SLC36A1: variants seen among roughly 807,000 people sequenced by gnomAD.
SLC36A1 encodes the protein proton-coupled amino acid transporter 1.
Under a neutral mutation model 47.5 loss-of-function variants are expected in SLC36A1, and 30 were observed. The ratio of observed to expected loss-of-function variants is 0.63; its 90% CI spans 0.47 to 0.86. SLC36A1 has a LOEUF of 0.86. SLC36A1 is among the 40% of genes least tolerant of loss of function. The pLI, the probability that SLC36A1 is intolerant of heterozygous loss-of-function variation, is 0.00. For synonymous variants in SLC36A1, 255 were observed against 249.7 expected (o/e 1.02, Z -0.20); for missense variants, 517 against 606.0 (o/e 0.85, Z 1.54).
the SLC36A1 span, among the ~76,000 whole-genome samples, chr5:151,410,908 G>A: frequency 1.5e-4 from 22 of 144,414 alleles, 3 homozygotes; most frequent in Non-Finnish European, 3.0e-4. Context: ...GCTTCTATCC[G>A]CTGTGTGACA....
At chr5:151,442,177 T>C (rs1036926149) in intron 1 of SLC36A1, among the ~76,000 whole-genome samples, 3 of 152,340 alleles carry the variant, frequency 2.0e-5, no homozygotes, top group African/African-American at 7.2e-5. Flanking sequence ...AATGTTTTTG[T>C]GTATATTTAG....
upstream of SLC36A1, among the ~76,000 whole-genome samples, chr5:151,446,567 A>C (rs1451530818): frequency 6.6e-6 from 1 of 152,094 alleles, no homozygotes; most frequent in Admixed American, 6.5e-5. Flanking sequence ...ATTTCCACAT[A>C]TTTGTGAATT....
chr5:151,446,922 T>G (rs1184220116), upstream of SLC36A1, among the ~76,000 whole-genome samples: 1 of 152,236 alleles, frequency 6.6e-6, no homozygotes, highest in Admixed American at 6.5e-5. Flanking sequence ...TTAATATTAG[T>G]TGTATGTATT....
the SLC36A1 span, among the ~76,000 whole-genome samples, chr5:151,513,156 G>A: frequency 2.0e-5 from 3 of 152,338 alleles, no homozygotes; most frequent in African/African-American, 7.2e-5. Flanking sequence ...GATGAATGCA[G>A]AAGTAAATAT....
the SLC36A1 span, among the ~76,000 whole-genome samples, chr5:151,402,238 G>A: frequency 6.6e-6 from 1 of 152,156 alleles, no homozygotes; most frequent in Non-Finnish European, 1.5e-5. Flanking sequence ...TGCATCAATC[G>A]AGATGATCAT....
the SLC36A1 span, chr5:151,543,436 C>T: frequency 6.2e-7 from 1 of 1,614,136 alleles, no homozygotes; most frequent in Admixed American, 1.7e-5. Flanking sequence ...GGCTACTCTT[C>T]CTCCTCCATC....
At chr5:151,482,080 G>A (rs1305583633) in intron 10 of SLC36A1, among the ~76,000 whole-genome samples, 8 of 152,066 alleles carry the variant, frequency 5.3e-5, no homozygotes, top group East Asian at 1.9e-4. Context: ...ACCTAAAATC[G>A]CATCATCCAA....
At chr5:151,411,508 G>A in the SLC36A1 span, among the ~76,000 whole-genome samples, 1 of 144,670 alleles carries the variant, frequency 6.9e-6, no homozygotes, top group Non-Finnish European at 1.5e-5. Context: ...TGGCTAAATT[G>A]TAAAATGTAA....
At chr5:151,374,546 G>T in the SLC36A1 span, among the ~76,000 whole-genome samples, 1 of 152,318 alleles carries the variant, frequency 6.6e-6, no homozygotes, top group Non-Finnish European at 1.5e-5. Context: ...GCTAGTGCAG[G>T]TATATTTTTC....
At chr5:151,510,317 T>A in the SLC36A1 span, 5 of 908,648 alleles carry the variant, frequency 5.5e-6, no homozygotes, top group Non-Finnish European at 6.6e-6. Context: ...AATACCGTGC[T>A]GGGCATTGGT....
At chr5:151,505,747 G>C in the SLC36A1 span, 1 of 1,613,844 alleles carries the variant, frequency 6.2e-7, no homozygotes, top group Non-Finnish European at 8.5e-7. Flanking sequence ...CCGTCTGCCA[G>C]GCAGGGCCCT....
intron 10 of SLC36A1, among the ~76,000 whole-genome samples, chr5:151,482,192 C>T (rs1758890008): frequency 6.6e-6 from 1 of 152,104 alleles, no homozygotes; most frequent in South Asian, 2.1e-4. Context: ...TTCTTAGTAC[C>T]TTTGGGCCTT....
At chr5:151,460,050 C>T (rs2127474725) in intron 2 of SLC36A1, among the ~76,000 whole-genome samples, 1 of 152,304 alleles carries the variant, frequency 6.6e-6, no homozygotes, top group East Asian at 1.9e-4. Context: ...CATTAGCCTG[C>T]AGTGGGAGTT....
chr5:151,480,070 A>G, intron 10 of SLC36A1: 1 of 1,507,578 alleles, frequency 6.6e-7, no homozygotes, highest in Non-Finnish European at 8.8e-7. Context: ...TGTAAGTTAA[A>G]AGACAGGATA....
chr5:151,348,844 T>C, the SLC36A1 span, among the ~76,000 whole-genome samples: 1 of 152,106 alleles, frequency 6.6e-6, no homozygotes, highest in African/African-American at 2.4e-5. Context: ...TTGGTTGTTG[T>C]TGTTTGTTTT....
the SLC36A1 span, among the ~76,000 whole-genome samples, chr5:151,421,569 TTTC>T: frequency 6.7e-6 from 1 of 149,730 alleles, no homozygotes; most frequent in Non-Finnish European, 1.5e-5. Flanking sequence ...TCTTTTTCTT[TTTC>T]TTTCTTTCTT....
the SLC36A1 span, chr5:151,511,331 T>C: frequency 6.6e-6 from 1 of 152,212 alleles, no homozygotes; most frequent in African/African-American, 2.4e-5. Context: ...ATGTATAGAA[T>C]AGATGGCTGA....
chr5:151,543,545 T>C, the SLC36A1 span: 2 of 1,614,182 alleles, frequency 1.2e-6, no homozygotes, highest in Non-Finnish European at 1.7e-6. Flanking sequence ...ATGGAGAACT[T>C]CTCACTTGCT....
chr5:151,422,018 G>A, the SLC36A1 span: 2 of 152,290 alleles, frequency 1.3e-5, no homozygotes, highest in African/African-American at 2.4e-5. Flanking sequence ...CTGGTGGGGT[G>A]TGATCAAGAG....
Sources: gnomAD v4.1 joint callset for allele counts (sites outside exome capture counted in the v4.1 genomes callset) on GRCh38, gnomAD v4.1.1 for gene constraint, MANE v1.5 for transcripts, NCBI Gene and HGNC (gene_info 2026-07-23, HGNC 2026-07-21) for gene names.